COL25A1: variants seen among roughly 807,000 people sequenced by gnomAD.
The protein encoded by COL25A1 is collagen alpha-1(XXV) chain.
Under a neutral mutation model 128.4 loss-of-function variants are expected in COL25A1, and 103 were observed. That is an observed-to-expected ratio of 0.80 (90% confidence interval 0.68 to 0.94). COL25A1 has a LOEUF of 0.94. Ranked by LOEUF, COL25A1 falls within the 40% of genes least tolerant of loss-of-function variation. The probability of loss-of-function intolerance (pLI) is 0.00; values close to 1 mark genes in which losing one functional copy is unlikely to be tolerated. For missense variants in COL25A1, 745 were observed against 840.0 expected (o/e 0.89, Z 1.40); for synonymous variants, 279 against 277.2 (o/e 1.01, Z -0.06).
chr4:108,993,973 G>A (rs1189881716), intron 6 of COL25A1, among the ~76,000 whole-genome samples: 1 of 152,192 alleles, frequency 6.6e-6, no homozygotes, highest in African/African-American at 2.4e-5. Context: ...AAAAGAGGCA[G>A]AGGGGAGGTC....
intron 13 of COL25A1, among the ~76,000 whole-genome samples, chr4:108,917,277 T>C (rs759156407): frequency 6.6e-6 from 1 of 152,166 alleles, no homozygotes; most frequent in Non-Finnish European, 1.5e-5. Context: ...GGAGTATTTA[T>C]TGCACCTGAA....
chr4:109,176,941 C>T (rs1349996931), intron 3 of COL25A1, among the ~76,000 whole-genome samples: 1 of 152,106 alleles, frequency 6.6e-6, no homozygotes, highest in African/African-American at 2.4e-5. Flanking sequence ...GCTGCTGACA[C>T]CCTGACTGTA....
intron 3 of COL25A1, among the ~76,000 whole-genome samples, chr4:109,221,308 A>C (rs1338502567): frequency 6.6e-6 from 1 of 152,130 alleles, no homozygotes; most frequent in African/African-American, 2.4e-5. Context: ...TTTGCCTAAA[A>C]CCTTTAAATC....
At chr4:109,288,395 T>C (rs1180248708) in intron 3 of COL25A1, among the ~76,000 whole-genome samples, 2 of 152,138 alleles carry the variant, frequency 1.3e-5, no homozygotes, top group Non-Finnish European at 2.9e-5. Flanking sequence ...TGGAATTGAT[T>C]TACTCACAAA....
intron 5 of COL25A1, among the ~76,000 whole-genome samples, chr4:109,039,300 G>A (rs1029511871): frequency 6.6e-6 from 1 of 152,092 alleles, no homozygotes; most frequent in Admixed American, 6.6e-5. Flanking sequence ...CACTTGGAAT[G>A]GCATGCAAAG....
intron 3 of COL25A1, among the ~76,000 whole-genome samples, chr4:109,295,596 A>G (rs1724899352): frequency 1.3e-5 from 2 of 152,114 alleles, no homozygotes; most frequent in Admixed American, 1.3e-4. Flanking sequence ...CATATAGCAT[A>G]AGTGAAAAAC....
intron 3 of COL25A1, among the ~76,000 whole-genome samples, chr4:109,131,086 T>C (rs924954877): frequency 2.0e-5 from 3 of 152,170 alleles, no homozygotes; most frequent in Non-Finnish European, 4.4e-5. Flanking sequence ...TAAGATATGG[T>C]TAGACAATCA....
At chr4:109,205,348 GGCT>G (rs1262300035) in intron 3 of COL25A1, among the ~76,000 whole-genome samples, 1 of 152,052 alleles carries the variant, frequency 6.6e-6, no homozygotes, top group Non-Finnish European at 1.5e-5. Context: ...CTGGGCATAT[GGCT>G]GCCTAGCTAA....
rs577541913 is a variant in COL25A1, at chr4:109,236,847, C to T, written c.367+63736G>A. 4.0e-4 allele frequency among the ~76,000 whole-genome samples: 60 copies of T among 151,782 alleles called. 1 individual carries two copies. Among genetic ancestry groups the T allele is most frequent in the African/African-American group, 1.4e-3 (58 of 41,402 alleles). ...ATATGAGTCTTTATTATATCTAGTT[C>T]TCAACAGGAATTGATATGCAAAATA... On this transcript the variant is annotated intron_variant, in intron 3 of 37. Coordinates refer to ENST00000399132, the MANE Select transcript of COL25A1 (RefSeq NM_198721.4).
intron 3 of COL25A1, among the ~76,000 whole-genome samples, chr4:109,100,719 A>G (rs1765816535): frequency 6.6e-6 from 1 of 152,172 alleles, no homozygotes; most frequent in Non-Finnish European, 1.5e-5. Flanking sequence ...AACCTCTAGT[A>G]AGTACTGTTA....
At chr4:109,176,546 A>G (rs1423929739) in intron 3 of COL25A1, among the ~76,000 whole-genome samples, 3 of 152,160 alleles carry the variant, frequency 2.0e-5, no homozygotes, top group African/African-American at 7.2e-5. Context: ...AAGTTCCAAG[A>G]AAAAGAGTAG....
chr4:109,282,521 C>T (rs1296847677), intron 3 of COL25A1, among the ~76,000 whole-genome samples: 2 of 152,100 alleles, frequency 1.3e-5, no homozygotes, highest in African/African-American at 4.8e-5. Context: ...GAAAAATGAA[C>T]TGAGATTTTG....
chr4:109,057,878 GA>G (rs919106778), intron 3 of COL25A1, among the ~76,000 whole-genome samples: 134 of 152,132 alleles, frequency 8.8e-4, no homozygotes, highest in African/African-American at 3.0e-3. Flanking sequence ...TTTATAAGTA[GA>G]AAAAAACTGA....
chr4:108,879,706 C>T lies in COL25A1; in HGVS notation c.1020+4472G>A, dbSNP rs189504437. Among the ~76,000 whole-genome samples the T allele has an allele frequency of 2.1e-3, 325 of 152,256 alleles. 3 individuals carry two copies. The highest frequency in any genetic ancestry group is 7.5e-3 in the African/African-American group (312 of 41,542). On this transcript the variant is annotated intron_variant, in intron 19 of 37. Transcript: ENST00000399132. The stretch of plus-strand genomic sequence containing the variant: ...AAGTGATCCACCCGCCTCGGCCTCC[C>T]AAAGTGCTGGGATTACAGGCGTGAG...
At chr4:109,148,790 C>A (rs1771193263) in intron 3 of COL25A1, among the ~76,000 whole-genome samples, 1 of 152,146 alleles carries the variant, frequency 6.6e-6, no homozygotes, top group South Asian at 2.1e-4. Context: ...TCCCCTGCTG[C>A]CCCTCCTCCA....
intron 3 of COL25A1, among the ~76,000 whole-genome samples, chr4:109,225,451 A>G (rs982217972): frequency 1.3e-5 from 2 of 152,224 alleles, no homozygotes; most frequent in Non-Finnish European, 2.9e-5. Context: ...AAGACAAAAA[A>G]TAACAGATGT....
At chr4:109,204,504 A>T (rs1370076753) in intron 3 of COL25A1, among the ~76,000 whole-genome samples, 3 of 152,198 alleles carry the variant, frequency 2.0e-5, no homozygotes, top group Non-Finnish European at 4.4e-5. Flanking sequence ...AGTAATGGTT[A>T]TTAACAAAAC....
rs76469110 is a variant in COL25A1, at chr4:108,844,193, A to G, written c.1629+326T>C. ...TTGTGTCCAGCCAATTCTAAATCTT[A>G]TTCTGCTGGTATCAGGTTAGAGGAG... On this transcript the variant is annotated intron_variant, in intron 30 of 37. Coordinates refer to ENST00000399132, the MANE Select transcript of COL25A1 (RefSeq NM_198721.4). Among the ~76,000 whole-genome samples the G allele has an allele frequency of 1.8e-3, 272 of 152,268 alleles. 3 individuals are homozygous for G. The East Asian group carries it at 0.032, about 18-fold the overall frequency.
At chr4:109,279,364 C>T (rs967999477) in intron 3 of COL25A1, among the ~76,000 whole-genome samples, 5 of 152,086 alleles carry the variant, frequency 3.3e-5, no homozygotes, top group Non-Finnish European at 2.9e-5. Context: ...AATCCCAGTG[C>T]TTTGGGAGGT....
Sources: allele counts gnomAD v4.1 joint callset (sites outside exome capture counted in the v4.1 genomes callset), GRCh38; gene constraint gnomAD v4.1.1; transcripts MANE v1.5; gene names NCBI Gene and HGNC (gene_info 2026-07-23, HGNC 2026-07-21).